APOE: variants seen among roughly 807,000 people sequenced by gnomAD.
The protein encoded by APOE is apolipoprotein E3.
APOE carries 10 observed loss-of-function variants against 13.1 expected under a neutral mutation model. The observed-to-expected ratio is 0.76, with a 90% CI of 0.47 to 1.29. APOE has a LOEUF of 1.29. Among genes scored for constraint, APOE ranks in the 50% most tolerant of loss-of-function variants. APOE has a pLI of 0.00. For missense variants in APOE, 471 were observed against 459.6 expected, an observed-to-expected ratio of 1.02 and a Z score of -0.23; for synonymous variants, 211 against 207.1, an observed-to-expected ratio of 1.02 and a Z score of -0.16.
Position 44,908,619 on chromosome 19 carries a change from G to T in APOE, c.323G>T (p.Arg108Leu). The T allele has an allele frequency of 6.2e-7, 1 of 1,608,786 alleles. No homozygotes were observed. The highest frequency in any genetic ancestry group is 8.5e-7 in the Non-Finnish European group (1 of 1,177,522). Reference protein sequence around the residue: ...EQLTPVAEETRARLSKELQAA... With the variant: ...EQLTPVAEETLARLSKELQAA... Reference sequence around the variant, plus strand: ...CTGACCCCGGTGGCGGAGGAGACGCGGGCACGGCTGTCCAAGGAGCTGCAG... The same window carrying T: ...CTGACCCCGGTGGCGGAGGAGACGCTGGCACGGCTGTCCAAGGAGCTGCAG... The change falls in exon 4 of 4, where the codon CGG becomes CTG. Residue 108 changes from arginine (R) to leucine (L), a missense_variant. Coordinates refer to ENST00000252486, the MANE Select transcript of APOE (RefSeq NM_000041.4).
chr19:44,909,070 C>T lies in APOE; in HGVS notation c.774C>T (p.Arg258=). Residue 258 remains arginine, a synonymous_variant, in exon 4 of 4, where the codon CGC becomes CGT. Coordinates refer to ENST00000252486, the MANE Select transcript of APOE (RefSeq NM_000041.4). ...TGAAGGAGCAGGTGGCGGAGGTGCGCGCCAAGCTGGAGGAGCAGGCCCAGC... is the reference window on the plus strand; with the variant it reads ...TGAAGGAGCAGGTGGCGGAGGTGCGTGCCAAGCTGGAGGAGCAGGCCCAGC... ...DEVKEQVAEV[R]AKLEEQAQQI... The T allele has an allele frequency of 6.4e-7, 1 of 1,571,542 alleles. No individual in the cohort carries two copies. The highest frequency in any genetic ancestry group is 8.6e-7 in the Non-Finnish European group (1 of 1,164,452).
rs553874843 is a variant in APOE at position 44,909,342 on chromosome 19, C to G, written c.*92C>G. On this transcript the variant is annotated 3_prime_UTR_variant, in exon 4 of 4. Coordinates refer to ENST00000252486, the MANE Select transcript of APOE (RefSeq NM_000041.4). ...CGGGAGACCCTGTCCCCGCCCCAGC[C>G]GTCCTCCTGGGGTGGACCCTAGTTT... is the stretch of plus-strand genomic sequence containing the variant. 4.8e-6 allele frequency: 6 copies of G among 1,239,116 alleles called. No individual in the cohort carries two copies. The African/African-American group carries it at 5.9e-5, about 12-fold the overall frequency. The allele number at this position is 1,239,116 out of a possible 1,614,324, so 76.8% of individuals were successfully genotyped here.
At position 44,908,677 on chromosome 19, in the gene APOE, G is replaced by A. The variant is rs773391883; in HGVS notation, c.381G>A (p.Glu127=). Residue 127 remains glutamate, a synonymous_variant, in exon 4 of 4, where the codon GAG becomes GAA. Transcript: ENST00000252486. The part of the protein sequence containing the change: ...AAQARLGADM[E]DVCGRLVQYR... ...AGGCCCGGCTGGGCGCGGACATGGAGGACGTGTGCGGCCGCCTGGTGCAGT... is the reference window on the plus strand; with the variant it reads ...AGGCCCGGCTGGGCGCGGACATGGAAGACGTGTGCGGCCGCCTGGTGCAGT... 16 of 1,572,284 alleles carry A rather than the reference G, an allele frequency of 1.0e-5. No individual in the cohort carries two copies. The highest frequency in any genetic ancestry group is 7.5e-5 in the Admixed American group (4 of 53,028).
chr19:44,906,749 A>T (rs1969816615), intron 2 of APOE, 82 bp downstream of exon 2: 2 of 1,410,282 alleles, frequency 1.4e-6, no homozygotes, highest in Admixed American at 3.4e-5. Context: ...ATTCAGGCAG[A>T]CCCTGGGCCC....
chr19:44,905,811 G>T lies in APOE; in HGVS notation c.-54G>T. ...TCCTTGAGTCCTACTCAGCCCCAGC[G>T]GAGGTGAAGGACGTCCTTCCCCAGG... On this transcript the variant is annotated 5_prime_UTR_variant, in exon 1 of 4. Coordinates refer to ENST00000252486, the MANE Select transcript of APOE (RefSeq NM_000041.4). 7.8e-7 allele frequency: 1 copy of T among 1,274,544 alleles called. No homozygotes were observed. The highest frequency in any genetic ancestry group is 1.2e-5 in the South Asian group (1 of 80,240). 79.0% of individuals were successfully genotyped at this position (1,274,544 alleles called of 1,614,324 possible). A position where few individuals can be genotyped will look rare whatever the true frequency, so the allele number is the denominator to read the frequency against.
In APOE at chr19:44,909,267, C is replaced by T. The variant is rs1043819656; in HGVS notation, c.*17C>T. On this transcript the variant is annotated 3_prime_UTR_variant, in exon 4 of 4. Transcript: ENST00000252486. ...AATCACTGAACGCCGAAGCCTGCAG[C>T]CATGCGACCCCACGCCACCCCGTGC... The T allele has an allele frequency of 8.8e-6, 14 of 1,593,466 alleles. No individual in the cohort carries two copies. The highest frequency in any genetic ancestry group is 4.5e-4 in the Middle Eastern group (2 of 4,488).
At chr19:44,906,786 C>G (rs1969817275) in intron 2 of APOE, 119 bp downstream of exon 2, 1 of 1,008,742 alleles carries the variant, frequency 9.9e-7, no homozygotes, top group African/African-American at 1.6e-5. Flanking sequence ...TGTGCTGCTT[C>G]CTGGCTCTGA....
Position 44,907,753 on chromosome 19 carries a change from CA to C in APOE, c.44-6del. 6.2e-7 allele frequency: 1 copy of C among 1,606,424 alleles called. No individual in the cohort carries two copies. The highest frequency in any genetic ancestry group is 8.5e-7 in the Non-Finnish European group (1 of 1,178,524). ...ACCCTGACCCACCTTGAACTTGTTC[CA>C]CACAGGATGCCAGGCCAAGGTGGAG... On this transcript the variant is annotated splice_region_variant and splice_polypyrimidine_tract_variant and intron_variant, in intron 2 of 3. Coordinates refer to ENST00000252486, the MANE Select transcript of APOE (RefSeq NM_000041.4). The surrounding 1 kb of genome is among the most constrained non-coding windows in gnomAD (Gnocchi z 4.1).
intron 2 of APOE, 165 bp downstream of exon 2, chr19:44,906,832 C>A (rs994966167): frequency 5.1e-5 from 34 of 661,688 alleles, no homozygotes; most frequent in Middle Eastern, 4.0e-4. Context: ...TCGGTTTCCC[C>A]CATCCTTGAG....
At position 44,908,771 on chromosome 19, in the gene APOE, C is replaced by T. The variant is rs867004984; in HGVS notation, c.475C>T (p.Leu159=). 1 of 1,559,704 alleles carries T rather than the reference C, an allele frequency of 6.4e-7. No homozygotes were observed. The highest frequency in any genetic ancestry group is 1.2e-5 in the South Asian group (1 of 85,070). ...GCTGCGGGTGCGCCTCGCCTCCCAC[C>T]TGCGCAAGCTGCGTAAGCGGCTCCT... ...EELRVRLASH[L]RKLRKRLLRD... Residue 159 remains leucine (L), a synonymous_variant, in exon 4 of 4, where the codon CTG becomes TTG. Coordinates refer to ENST00000252486, the MANE Select transcript of APOE (RefSeq NM_000041.4).
intron 3 of APOE, 92 bp from the exon 4 acceptor site, chr19:44,908,441 G>A: frequency 7.6e-7 from 1 of 1,313,380 alleles, no homozygotes; most frequent in Non-Finnish European, 1.1e-6. Flanking sequence ...TCCCTCTTGG[G>A]TCTCTCTGGC....
Position 44,907,708 on chromosome 19 carries a change from G to A in APOE, c.44-52G>A. On this transcript the variant is annotated intron_variant, in intron 2 of 3. Transcript: ENST00000252486. This position sits in a 1 kb window ranked among gnomAD's most constrained non-coding sequence, Gnocchi z 4.1. ...TTCTGTGTGCCCCTAGGTACTAGAT[G>A]CCTGGACGGGGTCAGAAGGACCCTG... The A allele has an allele frequency of 6.6e-7, 1 of 1,524,088 alleles. No homozygotes were observed. Among genetic ancestry groups the A allele is most frequent in the East Asian group, 2.4e-5 (1 of 42,060 alleles). 94.4% of individuals were successfully genotyped at this position (1,524,088 alleles called of 1,614,324 possible). A position where few individuals can be genotyped will look rare whatever the true frequency, so the allele number is the denominator to read the frequency against.
In APOE at chr19:44,908,953, G is replaced by A; in HGVS notation, c.657G>A (p.Gln219=). 1 of 1,518,874 alleles carries A rather than the reference G, an allele frequency of 6.6e-7. No individual in the cohort carries two copies. The highest frequency in any genetic ancestry group is 8.8e-7 in the Non-Finnish European group (1 of 1,138,906). 94.1% of individuals were successfully genotyped at this position (1,518,874 alleles called of 1,614,324 possible). Reference sequence around the variant, plus strand: ...CCACTGTGGGCTCCCTGGCCGGCCAGCCGCTACAGGAGCGGGCCCAGGCCT... The same window carrying A: ...CCACTGTGGGCTCCCTGGCCGGCCAACCGCTACAGGAGCGGGCCCAGGCCT... ...RAATVGSLAG[Q]PLQERAQAWG... is the part of the protein sequence containing the mutation. Residue 219 remains glutamine (Q), a synonymous_variant, in exon 4 of 4, where the codon CAG becomes CAA. Transcript: ENST00000252486.
chr19:44,907,942 C>G lies in APOE; in HGVS notation c.226C>G (p.Gln76Glu). 1.2e-6 allele frequency: 2 copies of G among 1,613,368 alleles called. No homozygotes were observed. The highest frequency in any genetic ancestry group is 1.7e-6 in the Non-Finnish European group (2 of 1,179,796). Residue 76 changes from glutamine to glutamate, a missense_variant, in exon 3 of 4, where the codon CAG becomes GAG. Physicochemically the swap from Gln to Glu is conservative, Grantham distance 29 (BLOSUM62 2). Coordinates refer to ENST00000252486, the MANE Select transcript of APOE (RefSeq NM_000041.4). The surrounding 1 kb of genome is among the most constrained non-coding windows in gnomAD (Gnocchi z 4.1). ...GGAGCTGCTCAGCTCCCAGGTCACCCAGGAACTGAGGTGAGTGTCCCCATC... is the reference window on the plus strand; with the variant it reads ...GGAGCTGCTCAGCTCCCAGGTCACCGAGGAACTGAGGTGAGTGTCCCCATC... ...QEELLSSQVT[Q>E]ELRALMDETM...
At chr19:44,906,458 G>A in intron 1 of APOE, 144 bp from the exon 2 acceptor site, 2 of 825,690 alleles carry the variant, frequency 2.4e-6, no homozygotes, top group Non-Finnish European at 4.2e-6. Flanking sequence ...GTTGGGGGCG[G>A]CTTGGTAAAT....
Position 44,908,896 on chromosome 19 carries a change from G to GC in APOE, c.604dup (p.Leu202ProfsTer157). On this transcript the variant is annotated frameshift_variant, in exon 4 of 4. Coordinates refer to ENST00000252486, the MANE Select transcript of APOE (RefSeq NM_000041.4). LOFTEE classifies it low-confidence loss of function (END_TRUNC). The stretch of plus-strand genomic sequence containing the variant: ...TCAGCGCCATCCGCGAGCGCCTGGG[G>GC]CCCCTGGTGGAACAGGGCCGCGTGC... 1 of 1,477,654 alleles carries GC rather than the reference G, an allele frequency of 6.8e-7. No individual in the cohort carries two copies. The allele number at this position is 1,477,654 out of a possible 1,614,324, so 91.5% of individuals were successfully genotyped here. A position where few individuals can be genotyped will look rare whatever the true frequency, so the allele number is the denominator to read the frequency against.
Position 44,907,378 on chromosome 19 carries a change from C to CT in APOE, c.44-380dup, listed in dbSNP as rs1969827812. ...TTGGGAGGCCAAGGTGGGAGGATCA[C>CT]TTGAGCCCAGGAGTTCAACACCAGC... On this transcript the variant is annotated intron_variant, in intron 2 of 3. Transcript: ENST00000252486. This position sits in a 1 kb window ranked among gnomAD's most constrained non-coding sequence, Gnocchi z 4.1. 3 of 311,990 alleles carry CT rather than the reference C, an allele frequency of 9.6e-6. No individual in the cohort carries two copies. The Admixed American group carries it at 1.3e-4, about 13-fold the overall frequency. The allele number at this position is 311,990 out of a possible 1,614,324, so 19.3% of individuals were successfully genotyped here.
chr19:44,906,336 G>C (rs924514616), intron 1 of APOE: 1 of 554,672 alleles, frequency 1.8e-6, no homozygotes, highest in Admixed American at 3.0e-5. Flanking sequence ...GGTGGGGAGG[G>C]GGTGGGGGGA....
Position 44,907,985 on chromosome 19 carries a change from T to G in APOE, c.236+33T>G, listed in dbSNP as rs888815638. On this transcript the variant is annotated intron_variant, in intron 3 of 3. Transcript: ENST00000252486. The surrounding 1 kb of genome is among the most constrained non-coding windows in gnomAD (Gnocchi z 4.1). ...TCCCCATCCTGGCCCTTGACCCTCC[T>G]GGTGGGCGGCTATACCTCCCCAGGT... The G allele has an allele frequency of 1.2e-6, 2 of 1,604,312 alleles. No homozygotes were observed. The highest frequency in any genetic ancestry group is 1.7e-6 in the Non-Finnish European group (2 of 1,175,678).
Sources: gnomAD v4.1 joint callset for allele counts on GRCh38, gnomAD v4.1.1 for gene constraint, Gnocchi (gnomAD v3.1) non-coding constraint, MANE v1.5 for transcripts, NCBI Gene and HGNC (gene_info 2026-07-23, HGNC 2026-07-21) for gene names.